The following NOTCH2 variants were observed in gnomAD, a reference collection of about 807,000 sequenced individuals.
The protein encoded by NOTCH2 is neurogenic locus notch homolog protein 2.
In NOTCH2, 29 loss-of-function variants were observed where a neutral mutation model predicts 235.8. The ratio of observed to expected loss-of-function variants is 0.12; its 90% CI spans 0.09 to 0.17. The LOEUF (loss-of-function observed/expected upper bound fraction) is 0.17. Among genes scored for constraint, NOTCH2 ranks in the 10% least tolerant of loss-of-function variants. The pLI, the probability that NOTCH2 is intolerant of heterozygous loss-of-function variation, is 1.00. For synonymous variants in NOTCH2, 1,086 were observed against 1,141.5 expected, an observed-to-expected ratio of 0.95 and a Z score of 0.98; for missense variants, 2,285 against 3,150.2, an observed-to-expected ratio of 0.73 and a Z score of 6.57.
intron 23 of NOTCH2, among the ~76,000 whole-genome samples, chr1:119,927,889 T>C (rs947830497): frequency 6.6e-6 from 1 of 152,168 alleles, no homozygotes. Flanking sequence ...AATTCCAAGA[T>C]TGTAAGGTAG....
intron 5 of NOTCH2, among the ~76,000 whole-genome samples, chr1:119,978,421 A>T (rs782246797): frequency 3.2e-4 from 49 of 152,030 alleles, no homozygotes; most frequent in African/African-American, 1.1e-3. Context: ...CAGAAAGTCC[A>T]CTCTGCTGCA....
intron 1 of NOTCH2, among the ~76,000 whole-genome samples, chr1:120,042,883 G>T (rs1414796901): frequency 1.2e-4 from 18 of 150,602 alleles, no homozygotes; most frequent in Middle Eastern, 3.2e-3. Context: ...GAGTTTTTGT[G>T]TGTGCCCACC....
chr1:119,976,849 G>T (rs1651599263), intron 5 of NOTCH2, among the ~76,000 whole-genome samples: 1 of 151,802 alleles, frequency 6.6e-6, no homozygotes, highest in Non-Finnish European at 1.5e-5. Flanking sequence ...CTTGTGCCTG[G>T]GATAGTCTTA....
intron 24 of NOTCH2, 107 bp from the exon 25 acceptor site, chr1:119,925,917 C>G: frequency 7.7e-7 from 1 of 1,304,046 alleles, no homozygotes; most frequent in Non-Finnish European, 1.1e-6. Context: ...TCTGTACTTC[C>G]CGTTCAGCCC....
rs922419414 is a variant in NOTCH2, at chr1:119,947,840, C to T, written c.2752+574G>A. On this transcript the variant is annotated intron_variant, in intron 17 of 33. Transcript: ENST00000256646. ...GTACTATTGATATAAACAACATGGA[C>T]GGATCTCAAATACTATGTTCATTAA... 5.9e-5 allele frequency among the ~76,000 whole-genome samples: 9 copies of T among 152,254 alleles called. No individual in the cohort carries two copies. In the East Asian group the frequency reaches 1.4e-3, roughly 23 times the overall value.
In NOTCH2 at chr1:119,955,104, A is replaced by T. The variant is rs1553198249; in HGVS notation, c.2155T>A (p.Ser719Thr). ...TTGCTCAGGCATTCGTTCACCTGTG[A>T]GTAGCAGCTGGGGTGATGGGGTCCC... The part of the protein sequence containing the change: ...PEGPHHPSCY[S>T]QVNECLSNPC... Residue 719 changes from serine to threonine, a missense_variant, in exon 13 of 34, where the codon TCA (serine) becomes ACA (threonine). By Grantham distance (58) the Ser-to-Thr change is moderately conservative (BLOSUM62 1). This residue lies in a region of NOTCH2 where 1,173 missense variants were observed against 1,515.3 expected (regional missense o/e 0.77). Coordinates refer to ENST00000256646, the MANE Select transcript of NOTCH2 (RefSeq NM_024408.4). 2 of 1,613,982 alleles carry T rather than the reference A, an allele frequency of 1.2e-6. No homozygotes were observed. Among genetic ancestry groups the T allele is most frequent in the African/African-American group, 2.7e-5 (2 of 74,920 alleles).
At chr1:120,048,686 G>A (rs1267692451) in intron 1 of NOTCH2, among the ~76,000 whole-genome samples, 5 of 140,750 alleles carry the variant, frequency 3.6e-5, no homozygotes, top group East Asian at 2.0e-4. Flanking sequence ...GGTGTCAAGC[G>A]ATCCTCCTGC....
chr1:119,957,577 A>G (rs902157495), intron 12 of NOTCH2, among the ~76,000 whole-genome samples: 1 of 152,146 alleles, frequency 6.6e-6, no homozygotes, highest in African/African-American at 2.4e-5. Context: ...AGTCATCTCT[A>G]ATGTTTTTAG....
intron 22 of NOTCH2, among the ~76,000 whole-genome samples, chr1:119,933,338 A>G (rs1649732032): frequency 1.3e-5 from 2 of 152,220 alleles, no homozygotes; most frequent in Admixed American, 6.5e-5. Flanking sequence ...ATGGGACTTG[A>G]GAGTTTCCTG....
intron 1 of NOTCH2, among the ~76,000 whole-genome samples, chr1:120,043,340 C>A (rs1553213138): frequency 1.3e-5 from 2 of 151,772 alleles, no homozygotes; most frequent in African/African-American, 4.9e-5. Flanking sequence ...CACTATGAGG[C>A]ATGTAAATTG....
intron 5 of NOTCH2, among the ~76,000 whole-genome samples, chr1:119,971,392 A>G (rs782161074): frequency 6.6e-6 from 1 of 152,240 alleles, no homozygotes; most frequent in African/African-American, 2.4e-5. Flanking sequence ...GCCATGGCTG[A>G]CTGACCCAAG....
intron 11 of NOTCH2, among the ~76,000 whole-genome samples, chr1:119,959,705 T>A (rs901747977): frequency 1.7e-4 from 26 of 152,210 alleles, no homozygotes; most frequent in African/African-American, 6.3e-4. Flanking sequence ...TAATCATACT[T>A]AGCCATGATC....
In NOTCH2 at chr1:119,914,892, G is replaced by C. The variant is rs1390400821; in HGVS notation, c.*414C>G. The C allele has an allele frequency of 2.7e-6, 1 of 364,270 alleles. No individual in the cohort carries two copies. Among genetic ancestry groups the C allele is most frequent in the Non-Finnish European group, 5.1e-6 (1 of 196,932 alleles). 22.6% of individuals were successfully genotyped at this position (364,270 alleles called of 1,614,324 possible). On this transcript the variant is annotated 3_prime_UTR_variant, in exon 34 of 34. Coordinates refer to ENST00000256646, the MANE Select transcript of NOTCH2 (RefSeq NM_024408.4). ...AGGAGGAGATGCGTAGGTCAATTCAGGCAGAATTCCAGGGCATAATTCCCA... is the reference window on the plus strand; with the variant it reads ...AGGAGGAGATGCGTAGGTCAATTCACGCAGAATTCCAGGGCATAATTCCCA...
chr1:119,996,678 G>A (rs1840381), intron 4 of NOTCH2: 20,195 of 1,048,142 alleles, frequency 0.019, no homozygotes, highest in African/African-American at 0.091. Flanking sequence ...AATTCTCATC[G>A]TGTTCTTTTC....
intron 23 of NOTCH2, among the ~76,000 whole-genome samples, chr1:119,927,551 G>T (rs1242564489): frequency 6.6e-6 from 1 of 151,784 alleles, no homozygotes; most frequent in Non-Finnish European, 1.5e-5. Context: ...TCACAAATGT[G>T]GAAAATGCAC....
intron 3 of NOTCH2, 178 bp downstream of exon 3, chr1:120,005,151 T>A (rs1553206079): frequency 4.0e-5 from 34 of 850,484 alleles, no homozygotes; most frequent in Middle Eastern, 5.7e-4. Flanking sequence ...CTCTGCCCCC[T>A]GAAACTCTTA....
intron 9 of NOTCH2, 123 bp downstream of exon 9, chr1:119,966,253 C>G (rs1651129473): frequency 1.3e-6 from 1 of 768,580 alleles, no homozygotes; most frequent in Non-Finnish European, 2.4e-6. Flanking sequence ...ACTCCTATCA[C>G]CAAGCACTTA....
intron 11 of NOTCH2, among the ~76,000 whole-genome samples, chr1:119,961,997 A>AT (rs1650955494): frequency 6.6e-6 from 1 of 152,040 alleles, no homozygotes; most frequent in Non-Finnish European, 1.5e-5. Context: ...ACAGATCAAC[A>AT]TTTTTTTAAT....
In NOTCH2 at chr1:119,946,842, AC is replaced by A. The variant is rs1650272280; in HGVS notation, c.2752+1571del. 2.0e-5 allele frequency among the ~76,000 whole-genome samples: 3 copies of A among 152,130 alleles called. No individual in the cohort carries two copies. The South Asian group carries it at 6.2e-4, about 32-fold the overall frequency. ...TAATACTAAAATAAATAAAAGGCAT[AC>A]AGGGTTGAAAAGAAATTAAAAGGCA... On this transcript the variant is annotated intron_variant, in intron 17 of 33. Transcript: ENST00000256646.
Sources: gnomAD v4.1 joint callset for allele counts (sites outside exome capture counted in the v4.1 genomes callset) on GRCh38, gnomAD v4.1.1 for gene constraint, gnomAD v4.1.1 regional missense constraint, MANE v1.5 for transcripts, NCBI Gene and HGNC (gene_info 2026-07-23, HGNC 2026-07-21) for gene names.